The following SMAP1 variants were observed in gnomAD, a reference collection of about 807,000 sequenced individuals.
SMAP1 encodes the protein small ArfGAP 1.
A neutral mutation model predicts 58.5 loss-of-function variants in SMAP1; 24 were observed. That is an observed-to-expected ratio of 0.41 (90% CI 0.30 to 0.58). The LOEUF (loss-of-function observed/expected upper bound fraction) is 0.58, where lower values mean the gene tolerates loss of function less well. SMAP1 is among the 20% of genes least tolerant of loss of function. The pLI is 0.29. For missense variants in SMAP1, 563 were observed against 566.3 expected, an observed-to-expected ratio of 0.99 and a Z score of 0.06; for synonymous variants, 216 against 196.6, an observed-to-expected ratio of 1.10 and a Z score of -0.82.
chr6:70,769,010 C>T, intron 3 of SMAP1, among the ~76,000 whole-genome samples: 1 of 151,868 alleles, frequency 6.6e-6, no homozygotes, highest in Non-Finnish European at 1.5e-5. Context: ...CGTTATGTAC[C>T]CAGTAGTCAT....
intron 1 of SMAP1, among the ~76,000 whole-genome samples, chr6:70,727,189 C>T (rs1382001766): frequency 3.9e-5 from 6 of 152,022 alleles, no homozygotes; most frequent in African/African-American, 1.4e-4. Flanking sequence ...CTCACTGCAA[C>T]CTCTGCCTTC....
intron 1 of SMAP1, among the ~76,000 whole-genome samples, chr6:70,678,925 G>A (rs777280781): frequency 6.6e-6 from 1 of 152,048 alleles, no homozygotes; most frequent in Admixed American, 6.5e-5. Context: ...TATTCACAGA[G>A]ATTCCAAGGA....
intron 6 of SMAP1, among the ~76,000 whole-genome samples, chr6:70,801,909 T>G (rs553626683): frequency 1.8e-4 from 27 of 152,354 alleles, no homozygotes; most frequent in South Asian, 8.3e-4. Context: ...GCTGTTTTGG[T>G]TACTGTAGCC....
chr6:70,764,645 C>T (rs1766886222), intron 3 of SMAP1, among the ~76,000 whole-genome samples: 1 of 152,132 alleles, frequency 6.6e-6, no homozygotes, highest in African/African-American at 2.4e-5. Flanking sequence ...ACCTGCTGCT[C>T]AGAAAGAAAT....
Position 70,668,008 on chromosome 6 carries a change from C to T in SMAP1, c.-16C>T, listed in dbSNP as rs2274972. ...CGCCGCCGTAGCTGCCCCAGGCTCC[C>T]CGCCCCGCTGCCGAGATGGCGACGC... On this transcript the variant is annotated 5_prime_UTR_variant, in exon 1 of 11. Transcript: ENST00000370455. 121,382 of 1,575,802 alleles carry T rather than the reference C, an allele frequency of 0.077. 11,150 individuals carry two copies. The highest frequency in any genetic ancestry group is 0.5 in the East Asian group (20,717 of 41,294).
intron 1 of SMAP1, among the ~76,000 whole-genome samples, chr6:70,683,210 G>A (rs1268183952): frequency 3.9e-5 from 5 of 129,244 alleles, no homozygotes; most frequent in Non-Finnish European, 6.3e-5. Flanking sequence ...TCACTCTGTC[G>A]CCCAGGCTGG....
chr6:70,668,787 C>G (rs926389050), intron 1 of SMAP1: 1 of 1,494,940 alleles, frequency 6.7e-7, no homozygotes, highest in African/African-American at 1.4e-5. Context: ...GTTTTTTAGT[C>G]TGGTTATTAG....
chr6:70,789,292 T>C (rs1768232789), intron 4 of SMAP1, among the ~76,000 whole-genome samples: 1 of 152,176 alleles, frequency 6.6e-6, no homozygotes, highest in Admixed American at 6.5e-5. Context: ...AGTCAAGATA[T>C]AGAACCTTTT....
intron 3 of SMAP1, among the ~76,000 whole-genome samples, chr6:70,763,516 AAAAG>A (rs1245311827): frequency 2.0e-5 from 3 of 152,182 alleles, no homozygotes; most frequent in Admixed American, 6.5e-5. Context: ...GTGTTCTAGT[AAAAG>A]AAAGAGTCTC....
Position 70,858,191 on chromosome 6 carries a change from C to CT in SMAP1, c.1232dup (p.Pro412AlafsTer24), listed in dbSNP as rs1477501939. 1 of 1,613,508 alleles carries CT rather than the reference C, an allele frequency of 6.2e-7. No homozygotes were observed. Among genetic ancestry groups the CT allele is most frequent in the Non-Finnish European group, 8.5e-7 (1 of 1,179,934 alleles). On this transcript the variant is annotated frameshift_variant, in exon 10 of 11. Transcript: ENST00000370455. LOFTEE classifies it high-confidence loss of function. ...GGGTGCACCCCAGAGTAAGTTTGGCCTGCCGCAAGCTCAGCAGCCCCAGTG... is the reference window on the plus strand; with the variant it reads ...GGGTGCACCCCAGAGTAAGTTTGGCCTTGCCGCAAGCTCAGCAGCCCCAGTG...
intron 6 of SMAP1, among the ~76,000 whole-genome samples, chr6:70,804,611 G>T (rs182375445): frequency 6.6e-6 from 1 of 152,126 alleles, no homozygotes; most frequent in East Asian, 1.9e-4. Flanking sequence ...TTCCAATTTG[G>T]CCTGTTTTTG....
intron 6 of SMAP1, among the ~76,000 whole-genome samples, chr6:70,817,038 A>G (rs1001484151): frequency 6.6e-6 from 1 of 151,514 alleles, no homozygotes; most frequent in Non-Finnish European, 1.5e-5. Context: ...ATCTCTTCCC[A>G]CTTCCAATCG....
chr6:70,774,963 T>C (rs1321625420), intron 4 of SMAP1, among the ~76,000 whole-genome samples: 1 of 151,786 alleles, frequency 6.6e-6, no homozygotes, highest in African/African-American at 2.4e-5. Flanking sequence ...TGAGCTGAGA[T>C]TGAGCCACTG....
intron 4 of SMAP1, among the ~76,000 whole-genome samples, chr6:70,787,434 C>G (rs1351223707): frequency 2.0e-5 from 3 of 151,844 alleles, no homozygotes; most frequent in African/African-American, 4.8e-5. Context: ...GCAACAAAAG[C>G]CAAAATTGAC....
intron 3 of SMAP1, chr6:70,759,875 A>G (rs1456262525): frequency 1.3e-5 from 6 of 450,992 alleles, no homozygotes; most frequent in African/African-American, 4.0e-5. Context: ...TTACTGCTTA[A>G]TAAGTGTTTG....
chr6:70,722,747 A>T (rs1053299247), intron 1 of SMAP1, among the ~76,000 whole-genome samples: 1 of 152,258 alleles, frequency 6.6e-6, no homozygotes, highest in Non-Finnish European at 1.5e-5. Context: ...TATCTACAGC[A>T]GGAACATGTC....
At chr6:70,812,195 G>A (rs1340388868) in intron 6 of SMAP1, among the ~76,000 whole-genome samples, 1 of 152,126 alleles carries the variant, frequency 6.6e-6, no homozygotes, top group Non-Finnish European at 1.5e-5. Context: ...GGTTTTACTC[G>A]GATGCCAGAA....
intron 3 of SMAP1, among the ~76,000 whole-genome samples, chr6:70,761,396 ATAT>A (rs948817562): frequency 6.6e-6 from 1 of 151,972 alleles, no homozygotes; most frequent in Non-Finnish European, 1.5e-5. Flanking sequence ...CTCCCTGAAA[ATAT>A]TATTGTTCTG....
intron 1 of SMAP1, among the ~76,000 whole-genome samples, chr6:70,717,180 G>A (rs976399550): frequency 6.6e-6 from 1 of 152,208 alleles, no homozygotes; most frequent in African/African-American, 2.4e-5. Context: ...TGTTAGAAGT[G>A]TGTTGCAGTT....
Sources: allele counts gnomAD v4.1 joint callset (sites outside exome capture counted in the v4.1 genomes callset), GRCh38; gene constraint gnomAD v4.1.1; transcripts MANE v1.5; gene names NCBI Gene and HGNC (gene_info 2026-07-23, HGNC 2026-07-21).